Variants in CTSS observed in about 807,000 individuals in gnomAD.
CTSS encodes cathepsin S.
In CTSS, 15 loss-of-function variants were observed where a neutral mutation model predicts 39.9. That is an observed-to-expected ratio of 0.38 (90% CI 0.25 to 0.58). The LOEUF (loss-of-function observed/expected upper bound fraction) is 0.58, where lower values mean the gene tolerates loss of function less well. Among genes scored for constraint, CTSS ranks in the 20% least tolerant of loss-of-function variants. CTSS has a pLI of 0.70. For synonymous variants in CTSS, 126 were observed against 138.2 expected, an observed-to-expected ratio of 0.91 and a Z score of 0.62; for missense variants, 250 against 398.2, an observed-to-expected ratio of 0.63 and a Z score of 3.17.
rs184118593 is a variant in CTSS at position 150,736,956 on chromosome 1, A to G, written c.897-3811T>C. Among the ~76,000 whole-genome samples the G allele has an allele frequency of 7.2e-5, 11 of 152,344 alleles. No homozygotes were observed. In the East Asian group the frequency reaches 1.7e-3, roughly 24 times the overall value. ...AGTTTGTTAACTAAATGCCTATCTCATAAGAGTACTTTAAAAATTAAATGA... is the reference window on the plus strand; with the variant it reads ...AGTTTGTTAACTAAATGCCTATCTCGTAAGAGTACTTTAAAAATTAAATGA... On this transcript the variant is annotated intron_variant, in intron 7 of 7. Coordinates refer to ENST00000368985, the MANE Select transcript of CTSS (RefSeq NM_004079.5).
intron 2 of CTSS, among the ~76,000 whole-genome samples, chr1:150,761,912 A>T (rs1488310330): frequency 6.6e-6 from 1 of 152,254 alleles, no homozygotes; most frequent in Non-Finnish European, 1.5e-5. Context: ...CTTCACAGAA[A>T]TAGAAAAAAC....
intron 7 of CTSS, among the ~76,000 whole-genome samples, chr1:150,733,557 G>GTGA (rs1229530446): frequency 6.6e-6 from 1 of 152,092 alleles, no homozygotes; most frequent in East Asian, 1.9e-4. Context: ...ATATTTTTGA[G>GTGA]TGACTACTAT....
intron 5 of CTSS, among the ~76,000 whole-genome samples, chr1:150,751,303 C>G (rs1025647596): frequency 8.5e-5 from 13 of 152,130 alleles, no homozygotes; most frequent in African/African-American, 3.1e-4. Context: ...GGCTGGAGTA[C>G]AGTGGCGTGA....
chr1:150,759,683 C>T lies in CTSS; in HGVS notation c.127-1703G>A, dbSNP rs183116737. Among the ~76,000 whole-genome samples the T allele has an allele frequency of 5.9e-5, 9 of 151,498 alleles. No individual in the cohort carries two copies. The East Asian group carries it at 1.2e-3, about 20-fold the overall frequency. On this transcript the variant is annotated intron_variant, in intron 2 of 7. Transcript: ENST00000368985. The stretch of plus-strand genomic sequence containing the variant: ...ATTCAGAGTGAATTTACATGCTGAC[C>T]GACGATTTTCTTGTCCTTCAGGAGA...
chr1:150,750,295 C>T, intron 5 of CTSS, 124 bp from the exon 6 acceptor site: 1 of 658,874 alleles, frequency 1.5e-6, no homozygotes. Context: ...TCTAAGGCTC[C>T]TTCCTTTGCA....
intron 1 of CTSS, among the ~76,000 whole-genome samples, chr1:150,765,394 G>T (rs587638927): frequency 6.6e-6 from 1 of 151,818 alleles, no homozygotes; most frequent in South Asian, 2.1e-4. Flanking sequence ...GAAATTCAGC[G>T]ACTAGCTCCC....
rs146394741 is a variant in CTSS, at chr1:150,746,146, G to A, written c.896+1631C>T. On this transcript the variant is annotated intron_variant, in intron 7 of 7. Coordinates refer to ENST00000368985, the MANE Select transcript of CTSS (RefSeq NM_004079.5). ...TACAGTTTTTTTTTCCTGTGTCCACGAATATTTTCTTCCTCACAGCGTGAG... is the reference window on the plus strand; with the variant it reads ...TACAGTTTTTTTTTCCTGTGTCCACAAATATTTTCTTCCTCACAGCGTGAG... Among the ~76,000 whole-genome samples the A allele has an allele frequency of 3.7e-3, 567 of 152,012 alleles. 8 individuals carry two copies. The highest frequency in any genetic ancestry group is 0.012 in the African/African-American group (512 of 41,460).
intron 7 of CTSS, among the ~76,000 whole-genome samples, chr1:150,736,003 C>T (rs1652629370): frequency 6.6e-6 from 1 of 152,008 alleles, no homozygotes; most frequent in Admixed American, 6.6e-5. Flanking sequence ...TGTGATCTGC[C>T]CGCCTCAGCC....
chr1:150,765,758 A>G lies in CTSS; in HGVS notation c.-62T>C, dbSNP rs587742689. 2 of 152,360 alleles carry G rather than the reference A, an allele frequency of 1.3e-5. No individual in the cohort carries two copies. Among genetic ancestry groups the G allele is most frequent in the South Asian group, 4.1e-4 (2 of 4,832 alleles). 9.4% of individuals were successfully genotyped at this position (152,360 alleles called of 1,614,324 possible). On this transcript the variant is annotated 5_prime_UTR_variant, in exon 1 of 8. Coordinates refer to ENST00000368985, the MANE Select transcript of CTSS (RefSeq NM_004079.5). ...CCTTGAATTAGTGGGCTCTCTTCTA[A>G]GATTTCAAAGCAACAAGGAGATTTC... is the stretch of plus-strand genomic sequence containing the variant.
At chr1:150,750,196 T>A in intron 5 of CTSS, 25 bp from the exon 6 acceptor site, 1 of 1,571,706 alleles carries the variant, frequency 6.4e-7, no homozygotes, top group South Asian at 1.1e-5. Context: ...ATAAATATGA[T>A]GAAGTATACT....
Position 150,732,888 on chromosome 1 carries a change from C to T in CTSS, c.*158G>A, listed in dbSNP as rs758325433. 5.7e-6 allele frequency: 3 copies of T among 523,864 alleles called. No individual in the cohort carries two copies. Among genetic ancestry groups the T allele is most frequent in the African/African-American group, 2.0e-5 (1 of 51,220 alleles). The allele number at this position is 523,864 out of a possible 1,614,324, so 32.5% of individuals were successfully genotyped here. A position where few individuals can be genotyped will look rare whatever the true frequency, so the allele number is the denominator to read the frequency against. On this transcript the variant is annotated 3_prime_UTR_variant, in exon 8 of 8. Coordinates refer to ENST00000368985, the MANE Select transcript of CTSS (RefSeq NM_004079.5). ...GCCTCCCAAGTACTGGGATTACAGG[C>T]GTGAGCCACCGTGCCCGGCCTCAAA...
At chr1:150,733,817 A>G (rs1049153983) in intron 7 of CTSS, among the ~76,000 whole-genome samples, 1 of 152,080 alleles carries the variant, frequency 6.6e-6, no homozygotes, top group African/African-American at 2.4e-5. Flanking sequence ...ATTTTTTTTT[A>G]ATTAGCCAGG....
At chr1:150,764,860 C>A in intron 1 of CTSS, 96 bp from the exon 2 acceptor site, 1 of 1,410,906 alleles carries the variant, frequency 7.1e-7, no homozygotes, top group South Asian at 1.2e-5. Context: ...CAAAGTCTAT[C>A]AAAGGGACAG....
rs1386212411 is a variant in CTSS, at chr1:150,730,858, T to C, written c.*2188A>G. 1 of 149,958 alleles carries C rather than the reference T, an allele frequency of 6.7e-6. No homozygotes were observed. Among genetic ancestry groups the C allele is most frequent in the East Asian group, 2.0e-4 (1 of 5,122 alleles). 9.3% of individuals were successfully genotyped at this position (149,958 alleles called of 1,614,324 possible). ...AGGATAGCTATTAACTCTTATTTAA[T>C]GCATTTATAAAGAAGCATGCATATT... On this transcript the variant is annotated 3_prime_UTR_variant, in exon 8 of 8. Transcript: ENST00000368985.
chr1:150,764,831 A>C, intron 1 of CTSS, 67 bp from the exon 2 acceptor site: 1 of 1,559,272 alleles, frequency 6.4e-7, no homozygotes. Context: ...ACATGTTTTC[A>C]TAAGAGAAAA....
chr1:150,736,141 A>C (rs1652632505), intron 7 of CTSS, among the ~76,000 whole-genome samples: 1 of 152,184 alleles, frequency 6.6e-6, no homozygotes, highest in Non-Finnish European at 1.5e-5. Context: ...TTTGATAAGC[A>C]AAAGCAATAA....
intron 5 of CTSS, 131 bp downstream of exon 5, chr1:150,751,650 T>A: frequency 1.4e-6 from 1 of 716,156 alleles, no homozygotes; most frequent in East Asian, 2.6e-5. Context: ...AATTTAAGAA[T>A]TCCTCTTCAG....
At chr1:150,742,363 A>G (rs1447601425) in intron 7 of CTSS, among the ~76,000 whole-genome samples, 2 of 152,180 alleles carry the variant, frequency 1.3e-5, no homozygotes, top group Admixed American at 1.3e-4. Context: ...CTTCACAGGC[A>G]TTTCAGAAAG....
intron 7 of CTSS, among the ~76,000 whole-genome samples, chr1:150,740,748 T>A (rs1652734090): frequency 6.6e-6 from 1 of 151,056 alleles, no homozygotes; most frequent in Non-Finnish European, 1.5e-5. Context: ...TAGAGTTGAG[T>A]GATGTGATCA....
Sources: allele counts gnomAD v4.1 joint callset (sites outside exome capture counted in the v4.1 genomes callset), GRCh38; gene constraint gnomAD v4.1.1; transcripts MANE v1.5; gene names NCBI Gene and HGNC (gene_info 2026-07-23, HGNC 2026-07-21).